The following TMEM217 variants were observed in gnomAD, a reference collection of about 807,000 sequenced individuals.
TMEM217 encodes transmembrane protein 217, also known as chromosome 6 open reading frame 128.
For synonymous variants in TMEM217, 76 were observed against 88.3 expected (o/e 0.86, Z 0.78); for missense variants, 204 against 248.8 (o/e 0.82, Z 1.21).
At position 37,225,009 on chromosome 6, in the gene TMEM217, T is replaced by TA. The variant is rs1364051135; in HGVS notation, c.-11-5969dup. On this transcript the variant is annotated intron_variant, in intron 1 of 1. Transcript: ENST00000357219. Reference sequence around the variant, plus strand: ...ACCTGCCCAACATGGCCCATCTCTATAAAAAAAAAAAAAAAAACACCACCA... The same window carrying TA: ...ACCTGCCCAACATGGCCCATCTCTATAAAAAAAAAAAAAAAAAACACCACCA... Among the ~76,000 whole-genome samples, 737 of 132,264 alleles carry TA rather than the reference T, an allele frequency of 5.6e-3. 2 individuals carry two copies. The highest frequency in any genetic ancestry group is 0.017 in the African/African-American group (617 of 36,734). The allele number at this position is 132,264 out of a possible 152,430, so 86.8% of individuals were successfully genotyped here. A position where few individuals can be genotyped will look rare whatever the true frequency, so the allele number is the denominator to read the frequency against.
At chr6:37,248,350 G>A (rs1350908926) in intron 1 of TMEM217, among the ~76,000 whole-genome samples, 1 of 152,210 alleles carries the variant, frequency 6.6e-6, no homozygotes, top group African/African-American at 2.4e-5. Flanking sequence ...TATCTACAGT[G>A]TGTGGCAATG....
downstream of TMEM217, among the ~76,000 whole-genome samples, chr6:37,217,353 A>C (rs1167823166): frequency 6.6e-6 from 1 of 152,218 alleles, no homozygotes; most frequent in Admixed American, 6.5e-5. Flanking sequence ...ATGTCTGTTT[A>C]TTTGTGATAG....
chr6:37,216,908 C>A (rs888642838), downstream of TMEM217, among the ~76,000 whole-genome samples: 1 of 152,128 alleles, frequency 6.6e-6, no homozygotes, highest in Non-Finnish European at 1.5e-5. Flanking sequence ...AGAGAGCAGG[C>A]CCTTACCAGA....
intron 1 of TMEM217, among the ~76,000 whole-genome samples, chr6:37,236,706 C>T (rs2113873039): frequency 6.6e-6 from 1 of 152,070 alleles, no homozygotes; most frequent in South Asian, 2.1e-4. Flanking sequence ...ACAAATTACC[C>T]CAAAACTTAG....
downstream of TMEM217, chr6:37,215,265 A>G (rs1211121817): frequency 1.9e-6 from 3 of 1,613,830 alleles, no homozygotes; most frequent in Admixed American, 3.3e-5. Context: ...CAGACAGGTA[A>G]ATATGCTAGT....
intron 1 of TMEM217, among the ~76,000 whole-genome samples, chr6:37,221,218 G>A (rs929700629): frequency 4.0e-5 from 6 of 149,092 alleles, no homozygotes; most frequent in Admixed American, 6.7e-5. Flanking sequence ...ACGGAGTCTC[G>A]CTCTGTCGCC....
chr6:37,215,288 CAAAT>C (rs1173906345), downstream of TMEM217: 17 of 1,609,322 alleles, frequency 1.1e-5, no homozygotes, highest in Non-Finnish European at 1.4e-5. Flanking sequence ...GGAAGCTAGA[CAAAT>C]AAAAAAACAA....
intron 1 of TMEM217, among the ~76,000 whole-genome samples, chr6:37,243,575 CA>C (rs1402745010): frequency 1.3e-5 from 2 of 152,158 alleles, no homozygotes; most frequent in African/African-American, 4.8e-5. Context: ...TCAATCTCCC[CA>C]AAGGCTCAGA....
intron 1 of TMEM217, among the ~76,000 whole-genome samples, chr6:37,227,760 T>A (rs1349903407): frequency 6.6e-6 from 1 of 151,816 alleles, no homozygotes; most frequent in Non-Finnish European, 1.5e-5. Context: ...AAATGTTTAT[T>A]ATTATCATTA....
exon 4 of TMEM217, chr6:37,212,638 A>G (rs1762973873): frequency 5.6e-6 from 3 of 534,748 alleles, no homozygotes; most frequent in South Asian, 1.5e-5. Context: ...GTGATCTTTG[A>G]TGATCCCGTT....
downstream of TMEM217, chr6:37,215,351 C>T (rs192557427): frequency 1.4e-3 from 2,161 of 1,535,748 alleles, 9 homozygotes; most frequent in Middle Eastern, 0.018. Context: ...TTGAGGCAGG[C>T]GGATCACGAG....
At chr6:37,257,184 T>C in intron 1 of TMEM217, among the ~76,000 whole-genome samples, 1 of 152,210 alleles carries the variant, frequency 6.6e-6, no homozygotes. Context: ...ACATAGGGAT[T>C]AGATCATTTG....
chr6:37,219,004 C>A (rs1485394465), exon 2 of TMEM217: 2 of 1,613,960 alleles, frequency 1.2e-6, no homozygotes, highest in South Asian at 2.2e-5. Context: ...TTTTGGCAGT[C>A]ATCCCACACC....
intron 1 of TMEM217, among the ~76,000 whole-genome samples, chr6:37,222,809 A>T (rs1169198461): frequency 6.6e-6 from 1 of 152,192 alleles, no homozygotes; most frequent in African/African-American, 2.4e-5. Context: ...TTCCCGACTT[A>T]ACTCAGAAGG....
At chr6:37,238,833 A>T (rs184898931) in intron 1 of TMEM217, among the ~76,000 whole-genome samples, 91 of 152,350 alleles carry the variant, frequency 6.0e-4, no homozygotes, top group African/African-American at 2.2e-3. Context: ...ATATGATTTT[A>T]AAAAATCTAT....
intron 1 of TMEM217, among the ~76,000 whole-genome samples, chr6:37,224,776 T>C (rs1453080894): frequency 6.6e-6 from 1 of 152,028 alleles, no homozygotes; most frequent in East Asian, 1.9e-4. Flanking sequence ...TTTTTCAAGA[T>C]TGAGAGCACA....
At chr6:37,231,895 CCTGA>C (rs1376737519) in intron 1 of TMEM217, among the ~76,000 whole-genome samples, 1 of 151,236 alleles carries the variant, frequency 6.6e-6, no homozygotes, top group Non-Finnish European at 1.5e-5. Context: ...CCTAGGTCTT[CCTGA>C]CTGTGTGGCT....
In TMEM217 at chr6:37,233,265, C is replaced by T. The variant is rs183010698; in HGVS notation, c.-11-14224G>A. Among the ~76,000 whole-genome samples the T allele has an allele frequency of 2.9e-4, 44 of 152,232 alleles. 1 individual carries two copies. Among genetic ancestry groups the T allele is most frequent in the Non-Finnish European group, 2.9e-4 (20 of 68,022 alleles). ...TCATCCTCAACATCCAAAAAACTCACTAAGTTCCATCAACTCTCCTTCCCA... is the reference window on the plus strand; with the variant it reads ...TCATCCTCAACATCCAAAAAACTCATTAAGTTCCATCAACTCTCCTTCCCA... On this transcript the variant is annotated intron_variant, in intron 1 of 1. Transcript: ENST00000357219.
intron 1 of TMEM217, among the ~76,000 whole-genome samples, chr6:37,246,953 T>A (rs1194818572): frequency 6.6e-6 from 1 of 151,104 alleles, no homozygotes; most frequent in African/African-American, 2.4e-5. Flanking sequence ...AGGTGCCGGG[T>A]CCCGCAGTAC....
Sources: allele counts gnomAD v4.1 joint callset (sites outside exome capture counted in the v4.1 genomes callset), GRCh38; gene constraint gnomAD v4.1.1; transcripts MANE v1.5; gene names NCBI Gene and HGNC (gene_info 2026-07-23, HGNC 2026-07-21).